PARD3B: variants seen among roughly 807,000 people sequenced by gnomAD.
PARD3B encodes partitioning defective 3 homolog B.
In PARD3B, 103 loss-of-function variants were observed where a neutral mutation model predicts 130.2. The ratio of observed to expected loss-of-function variants is 0.79; its 90% CI spans 0.67 to 0.93. The LOEUF is 0.93. Among genes scored for constraint, PARD3B ranks in the 40% least tolerant of loss-of-function variants. PARD3B has a pLI of 0.00. For missense variants in PARD3B, 1,609 were observed against 1,499.2 expected (o/e 1.07, Z -1.21); for synonymous variants, 583 against 553.2 (o/e 1.05, Z -0.76).
intron 3 of PARD3B, among the ~76,000 whole-genome samples, chr2:205,034,746 C>T (rs1288150794): frequency 6.6e-6 from 1 of 152,040 alleles, no homozygotes; most frequent in Non-Finnish European, 1.5e-5. Context: ...ATAAAGTTAA[C>T]ATACTAGAGA....
At chr2:205,023,238 A>G (rs112756409) in intron 3 of PARD3B, among the ~76,000 whole-genome samples, 1,819 of 152,274 alleles carry the variant, frequency 0.012, 26 homozygotes, top group Middle Eastern at 0.048. Context: ...AGGATTGCAG[A>G]GAAGGCTTTG....
At chr2:205,296,657 TTGTGTATG>T (rs1463643820) in intron 16 of PARD3B, among the ~76,000 whole-genome samples, 12 of 138,020 alleles carry the variant, frequency 8.7e-5, no homozygotes, top group Admixed American at 3.5e-4. Flanking sequence ...TGGAGTGTGT[TTGTGTATG>T]TGTGTGTGTG....
intron 2 of PARD3B, among the ~76,000 whole-genome samples, chr2:204,724,218 C>G (rs983195780): frequency 2.6e-5 from 4 of 152,160 alleles, no homozygotes; most frequent in Admixed American, 6.6e-5. Context: ...CATTGGCAAT[C>G]ATTTATATTT....
intron 3 of PARD3B, among the ~76,000 whole-genome samples, chr2:205,028,897 G>C (rs1697227035): frequency 6.6e-6 from 1 of 152,104 alleles, no homozygotes; most frequent in Non-Finnish European, 1.5e-5. Flanking sequence ...TTAACTATCT[G>C]AAAAGGAAGT....
intron 10 of PARD3B, among the ~76,000 whole-genome samples, chr2:205,131,626 A>G (rs1416989166): frequency 6.6e-6 from 1 of 152,242 alleles, no homozygotes; most frequent in East Asian, 1.9e-4. Flanking sequence ...TCAGGAACCA[A>G]GAAAACCTTC....
At chr2:205,166,373 G>C (rs1170603263) in intron 11 of PARD3B, among the ~76,000 whole-genome samples, 2 of 152,088 alleles carry the variant, frequency 1.3e-5, no homozygotes, top group Non-Finnish European at 2.9e-5. Context: ...GGAATGCAAA[G>C]GGCATTTTGG....
At chr2:205,434,745 T>C (rs947444212) in intron 19 of PARD3B, among the ~76,000 whole-genome samples, 1 of 152,052 alleles carries the variant, frequency 6.6e-6, no homozygotes, top group Admixed American at 6.6e-5. Flanking sequence ...TTGAAGAAAA[T>C]TGTCATAACT....
Position 205,121,622 on chromosome 2 carries a change from T to A in PARD3B, c.838T>A (p.Ser280Thr), listed in dbSNP as rs757476209. The A allele has an allele frequency of 5.6e-6, 9 of 1,613,248 alleles. No individual in the cohort carries two copies. The East Asian group carries it at 2.0e-4, about 36-fold the overall frequency. ...AQDVFRQAMK[S>T]PSVLLHVLPP... Reference sequence around the variant, plus strand: ...AGATGTCTTCCGCCAGGCAATGAAATCTCCAAGTGTGCTCCTCCACGTGCT... The same window carrying A: ...AGATGTCTTCCGCCAGGCAATGAAAACTCCAAGTGTGCTCCTCCACGTGCT... Residue 280 changes from serine to threonine, a missense_variant, in exon 8 of 23, where the codon TCT (serine) becomes ACT (threonine). Coordinates refer to ENST00000406610, the MANE Select transcript of PARD3B (RefSeq NM_001302769.2). The surrounding 1 kb of genome is among the most constrained non-coding windows in gnomAD (Gnocchi z 5.0).
intron 15 of PARD3B, among the ~76,000 whole-genome samples, chr2:205,224,145 G>A (rs369245757): frequency 7.3e-5 from 11 of 150,994 alleles, no homozygotes; most frequent in East Asian, 4.0e-4. Context: ...TGAGGCAGGC[G>A]GATCATGAGG....
intron 22 of PARD3B, among the ~76,000 whole-genome samples, chr2:205,565,925 AAAG>A (rs2053313381): frequency 6.6e-6 from 1 of 152,084 alleles, no homozygotes; most frequent in Non-Finnish European, 1.5e-5. Flanking sequence ...AAAAAAAAAA[AAAG>A]GAGAGATATG....
chr2:205,143,307 A>G (rs2033119753), intron 10 of PARD3B, among the ~76,000 whole-genome samples: 1 of 152,200 alleles, frequency 6.6e-6, no homozygotes. Context: ...TTTTTCATGT[A>G]TCAGCAAGTA....
At chr2:205,442,871 C>T (rs1337786953) in intron 20 of PARD3B, among the ~76,000 whole-genome samples, 1 of 152,182 alleles carries the variant, frequency 6.6e-6, no homozygotes, top group Non-Finnish European at 1.5e-5. Context: ...CCAGTCCAGA[C>T]ATATGTGTAA....
chr2:205,469,737 G>A (rs1382366712), intron 20 of PARD3B, among the ~76,000 whole-genome samples: 1 of 152,312 alleles, frequency 6.6e-6, no homozygotes, highest in South Asian at 2.1e-4. Context: ...ACATCCCAGA[G>A]AACGTTGCAT....
intron 1 of PARD3B, among the ~76,000 whole-genome samples, chr2:204,645,976 T>C (rs1184505162): frequency 6.6e-6 from 1 of 152,142 alleles, no homozygotes; most frequent in Non-Finnish European, 1.5e-5. Flanking sequence ...TTTCTACTTC[T>C]AGCTATAATG....
intron 3 of PARD3B, among the ~76,000 whole-genome samples, chr2:204,986,187 T>C (rs543942408): frequency 1.3e-5 from 2 of 152,154 alleles, no homozygotes; most frequent in African/African-American, 4.8e-5. Flanking sequence ...CTGTCATCTT[T>C]TGATTGGATC....
rs144783682 is a variant in PARD3B, at chr2:204,957,867, A to T, written c.223-7285A>T. ...CTTAGATTTAATTGTGTTTATTAAG[A>T]TTTGAGACAAACGATTCCAATTTTA... On this transcript the variant is annotated intron_variant, in intron 2 of 22. Transcript: ENST00000406610. Among the ~76,000 whole-genome samples, 1,424 of 152,208 alleles carry T rather than the reference A, an allele frequency of 9.4e-3. 9 individuals are homozygous for T. Among genetic ancestry groups the T allele is most frequent in the South Asian group, 0.031 (148 of 4,830 alleles).
chr2:204,608,476 T>C (rs1314713563), intron 1 of PARD3B, among the ~76,000 whole-genome samples: 3 of 152,174 alleles, frequency 2.0e-5, no homozygotes, highest in Non-Finnish European at 4.4e-5. Context: ...GCTCCCAGAA[T>C]CTCAAGCCAA....
chr2:205,201,018 G>A (rs1466683704), intron 15 of PARD3B, among the ~76,000 whole-genome samples: 2 of 152,004 alleles, frequency 1.3e-5, no homozygotes, highest in Admixed American at 1.3e-4. Flanking sequence ...ATTCTGGCCT[G>A]GTCATAACAC....
chr2:205,343,806 T>C (rs1382521595), intron 18 of PARD3B, among the ~76,000 whole-genome samples: 3 of 151,150 alleles, frequency 2.0e-5, no homozygotes, highest in African/African-American at 4.9e-5. Flanking sequence ...ATATCTTCTC[T>C]TTCTCTCTTT....
Sources: gnomAD v4.1 joint callset for allele counts (sites outside exome capture counted in the v4.1 genomes callset) on GRCh38, gnomAD v4.1.1 for gene constraint, Gnocchi (gnomAD v3.1) non-coding constraint, MANE v1.5 for transcripts, NCBI Gene and HGNC (gene_info 2026-07-23, HGNC 2026-07-21) for gene names.